Variants in PIGK observed in about 807,000 individuals in gnomAD.
PIGK encodes the protein phosphatidylinositol glycan anchor biosynthesis class K.
Under a neutral mutation model 50.6 loss-of-function variants are expected in PIGK, and 42 were observed. The observed-to-expected ratio is 0.83, with a 90% CI of 0.65 to 1.07. The LOEUF (loss-of-function observed/expected upper bound fraction) is 1.07, where lower values mean the gene tolerates loss of function less well. Among genes scored for constraint, PIGK ranks in the 50% least tolerant of loss-of-function variants. PIGK has a pLI of 0.00. For missense variants in PIGK, 448 were observed against 488.7 expected (o/e 0.92, Z 0.78); for synonymous variants, 151 against 156.0 (o/e 0.97, Z 0.24).
At chr1:77,195,916 A>G (rs924753250) in intron 3 of PIGK, among the ~76,000 whole-genome samples, 1 of 152,104 alleles carries the variant, frequency 6.6e-6, no homozygotes, top group Non-Finnish European at 1.5e-5. Context: ...TTGGGGTACT[A>G]ATAATCCTGC....
At chr1:77,181,408 G>A (rs1655611808) in intron 3 of PIGK, among the ~76,000 whole-genome samples, 1 of 152,000 alleles carries the variant, frequency 6.6e-6, no homozygotes, top group Admixed American at 6.6e-5. Context: ...TAATAAACTG[G>A]TATTACCTTA....
intron 3 of PIGK, chr1:77,195,121 G>C (rs2100578713): frequency 8.3e-7 from 1 of 1,208,502 alleles, no homozygotes; most frequent in East Asian, 2.7e-5. Context: ...ACACAGGAAG[G>C]AGGGTGATTC....
At chr1:77,186,599 T>C (rs1396683513) in intron 3 of PIGK, among the ~76,000 whole-genome samples, 1 of 152,166 alleles carries the variant, frequency 6.6e-6, no homozygotes, top group Non-Finnish European at 1.5e-5. Context: ...AATGGGTGAC[T>C]TCAGCAGAGG....
At chr1:77,195,698 G>A (rs542602417) in intron 3 of PIGK, among the ~76,000 whole-genome samples, 1 of 152,034 alleles carries the variant, frequency 6.6e-6, no homozygotes, top group African/African-American at 2.4e-5. Context: ...TTCCTGTGAC[G>A]TCTGTACACA....
At chr1:77,150,977 TC>T (rs1654883048) in intron 9 of PIGK, among the ~76,000 whole-genome samples, 1 of 152,078 alleles carries the variant, frequency 6.6e-6, no homozygotes, top group African/African-American at 2.4e-5. Flanking sequence ...AGGGAATACT[TC>T]CAAATTCATC....
chr1:77,115,352 C>A (rs776626258), intron 10 of PIGK, among the ~76,000 whole-genome samples: 7 of 151,838 alleles, frequency 4.6e-5, no homozygotes, highest in Non-Finnish European at 7.4e-5. Context: ...GCAGAGACTG[C>A]AAATAATTCA....
At chr1:77,109,296 G>C (rs1005049613) in intron 10 of PIGK, among the ~76,000 whole-genome samples, 2 of 152,146 alleles carry the variant, frequency 1.3e-5, no homozygotes, top group Non-Finnish European at 2.9e-5. Context: ...GCCTGGCAGA[G>C]ACACAACAAC....
intron 1 of PIGK, among the ~76,000 whole-genome samples, chr1:77,214,934 A>ATT (rs1656517428): frequency 6.6e-6 from 1 of 152,184 alleles, no homozygotes; most frequent in African/African-American, 2.4e-5. Flanking sequence ...CTAGGAATAA[A>ATT]TTTAACCAAG....
chr1:77,113,763 C>T (rs926574897), intron 10 of PIGK, among the ~76,000 whole-genome samples: 1 of 152,112 alleles, frequency 6.6e-6, no homozygotes, highest in Admixed American at 6.6e-5. Context: ...ACTTAAACTA[C>T]ATGGAACCTC....
chr1:77,096,808 A>G (rs1162128577), intron 10 of PIGK, among the ~76,000 whole-genome samples: 1 of 152,120 alleles, frequency 6.6e-6, no homozygotes, highest in Non-Finnish European at 1.5e-5. Flanking sequence ...GAAGAAAAGA[A>G]AAACCCTGAT....
chr1:77,132,457 T>C (rs933588819), intron 9 of PIGK, among the ~76,000 whole-genome samples: 1 of 152,004 alleles, frequency 6.6e-6, no homozygotes, highest in African/African-American at 2.4e-5. Flanking sequence ...ATCAAACTGT[T>C]CAACATTACC....
chr1:77,153,020 T>C (rs916364151), intron 9 of PIGK, among the ~76,000 whole-genome samples: 4 of 152,004 alleles, frequency 2.6e-5, no homozygotes, highest in African/African-American at 4.8e-5. Context: ...TAGCTACATA[T>C]CCAGAAAAAA....
At position 77,128,303 on chromosome 1, in the gene PIGK, A is replaced by C. The variant is rs1654275286; in HGVS notation, c.987-5944T>G. Among the ~76,000 whole-genome samples the C allele has an allele frequency of 2.6e-5, 4 of 152,286 alleles. No homozygotes were observed. In the South Asian group the frequency reaches 8.3e-4, roughly 32 times the overall value. ...AAAGACATAATATGAGGCAGAGAAC[A>C]GCAAGTTAAGTCCAAAGAGAACTAA... On this transcript the variant is annotated intron_variant, in intron 9 of 10. Coordinates refer to ENST00000370812, the MANE Select transcript of PIGK (RefSeq NM_005482.3).
intron 9 of PIGK, chr1:77,129,058 CT>C: frequency 1.2e-6 from 1 of 800,750 alleles, no homozygotes; most frequent in Admixed American, 1.7e-5. Context: ...CCTACAAATG[CT>C]TTAAATATTT....
chr1:77,129,804 T>C (rs533609994), intron 9 of PIGK: 1 of 445,380 alleles, frequency 2.2e-6, no homozygotes, highest in Admixed American at 4.0e-5. Context: ...TATTTAGAAG[T>C]GGACTTGCTG....
At chr1:77,176,478 GGTT>G (rs2100565818) in intron 3 of PIGK, among the ~76,000 whole-genome samples, 1 of 152,156 alleles carries the variant, frequency 6.6e-6, no homozygotes, top group South Asian at 2.1e-4. Flanking sequence ...TCATAATTAT[GGTT>G]ATTATGTTAT....
chr1:77,096,899 T>C (rs915508647), intron 10 of PIGK, among the ~76,000 whole-genome samples: 1 of 141,210 alleles, frequency 7.1e-6, no homozygotes, highest in Non-Finnish European at 1.5e-5. Flanking sequence ...TTTTTTTTTG[T>C]TTTTTTGTTT....
At chr1:77,097,583 TC>T (rs144888298) in intron 10 of PIGK, among the ~76,000 whole-genome samples, 35,331 of 152,106 alleles carry the variant, frequency 0.23, 5,070 homozygotes, top group Non-Finnish European at 0.32. Context: ...CCACAGTTTT[TC>T]CTTAATCGTG....
At chr1:77,108,073 C>G (rs1301948347) in intron 10 of PIGK, among the ~76,000 whole-genome samples, 1 of 152,134 alleles carries the variant, frequency 6.6e-6, no homozygotes, top group African/African-American at 2.4e-5. Context: ...TTAATTGGAG[C>G]ATTTAGCCCA....
Sources: allele counts gnomAD v4.1 joint callset (sites outside exome capture counted in the v4.1 genomes callset), GRCh38; gene constraint gnomAD v4.1.1; transcripts MANE v1.5; gene names NCBI Gene and HGNC (gene_info 2026-07-23, HGNC 2026-07-21).